Variants in OPHN1 observed in about 807,000 individuals in gnomAD.
OPHN1 encodes the protein oligophrenin 1.
OPHN1 carries 11 observed loss-of-function variants against 60.7 expected under a neutral mutation model. That is an observed-to-expected ratio of 0.18 (90% CI 0.11 to 0.30). The LOEUF (loss-of-function observed/expected upper bound fraction) is 0.30, where lower values mean the gene tolerates loss of function less well. Among genes scored for constraint, OPHN1 ranks in the 10% least tolerant of loss-of-function variants. OPHN1 has a pLI of 1.00. For synonymous variants in OPHN1, 226 were observed against 222.6 expected (o/e 1.02, Z -0.14); for missense variants, 449 against 611.0 (o/e 0.73, Z 2.80).
chrX:68,312,568 T>A (rs2078179049), intron 2 of OPHN1, among the ~76,000 whole-genome samples: 1 of 110,748 alleles, frequency 9.0e-6, no homozygotes, highest in Non-Finnish European at 1.9e-5. Flanking sequence ...ACATTAAAAA[T>A]GAAGAAATAT....
chrX:68,396,816 A>AAAAAAT (rs1215235123), intron 2 of OPHN1, among the ~76,000 whole-genome samples: 1 of 111,292 alleles, frequency 9.0e-6, no homozygotes, highest in Non-Finnish European at 1.9e-5. Flanking sequence ...CTCCATCTCA[A>AAAAAAT]AAAAATAAAA....
intron 2 of OPHN1, among the ~76,000 whole-genome samples, chrX:68,362,289 T>C (rs1385615494): frequency 9.0e-6 from 1 of 111,545 alleles, no homozygotes; most frequent in East Asian, 2.8e-4. Flanking sequence ...GAAAACTGCA[T>C]GATCTACTTA....
intron 15 of OPHN1, among the ~76,000 whole-genome samples, chrX:68,175,741 A>T (rs1270384203): frequency 8.9e-6 from 1 of 111,846 alleles, no homozygotes; most frequent in Non-Finnish European, 1.9e-5. Flanking sequence ...TTCTCCTGGG[A>T]AATATTCCTC....
At position 68,210,300 on chromosome X, in the gene OPHN1, T is replaced by C. The variant is rs1277741635; in HGVS notation, c.703-18A>G. 1 of 1,195,502 alleles carries C rather than the reference T, an allele frequency of 8.4e-7. No homozygotes were observed. The highest frequency in any genetic ancestry group is 1.8e-5 in the South Asian group (1 of 56,218). ...TTTCTTGTCTGTCAAGACATCATCATGAAAATCATTATTATCATCATCATT... is the reference window on the plus strand; with the variant it reads ...TTTCTTGTCTGTCAAGACATCATCACGAAAATCATTATTATCATCATCATT... On this transcript the variant is annotated intron_variant, in intron 8 of 24. Transcript: ENST00000355520.
intron 20 of OPHN1, among the ~76,000 whole-genome samples, chrX:68,066,999 G>A (rs11094067): frequency 0.23 from 25,913 of 111,623 alleles, 2,340 homozygotes; most frequent in Middle Eastern, 0.29. Context: ...ATAAATAGGC[G>A]TGGGGCCAAC....
intron 10 of OPHN1, among the ~76,000 whole-genome samples, chrX:68,202,481 C>T (rs927855215): frequency 4.6e-5 from 5 of 108,754 alleles, no homozygotes; most frequent in African/African-American, 1.7e-4. Flanking sequence ...TTATCACTTA[C>T]TATGTGCCAT....
At position 68,131,547 on chromosome X, in the gene OPHN1, C is replaced by T. The variant is rs144796380; in HGVS notation, c.1277-12215G>A. 2.8e-3 allele frequency among the ~76,000 whole-genome samples: 311 copies of T among 112,009 alleles called. 2 individuals carry two copies. Among genetic ancestry groups the T allele is most frequent in the African/African-American group, 9.6e-3 (297 of 30,806 alleles). On this transcript the variant is annotated intron_variant, in intron 15 of 24. Coordinates refer to ENST00000355520, the MANE Select transcript of OPHN1 (RefSeq NM_002547.3). ...AACACTTTAAATGCTAAAAGCCATT[C>T]TCCAAATAAAGATATGGCAATTATG... is the stretch of plus-strand genomic sequence containing the variant.
At chrX:68,127,249 G>C (rs1329682580) in intron 15 of OPHN1, among the ~76,000 whole-genome samples, 1 of 112,238 alleles carries the variant, frequency 8.9e-6, no homozygotes, top group Non-Finnish European at 1.9e-5. Context: ...AGCATTTACA[G>C]TGAGAAACAC....
rs1256995034 is a variant in OPHN1 at position 68,170,225 on chromosome X, C to T, written c.1276+22694G>A. Among the ~76,000 whole-genome samples the T allele has an allele frequency of 1.3e-4, 14 of 105,866 alleles. No individual in the cohort carries two copies. The South Asian group carries it at 2.6e-3, about 20-fold the overall frequency. The allele number at this position is 105,866 out of a possible 115,157, so 91.9% of individuals were successfully genotyped here. A position where few individuals can be genotyped will look rare whatever the true frequency, so the allele number is the denominator to read the frequency against. The stretch of plus-strand genomic sequence containing the variant: ...ATCAGAGAAATGCAAATCAAAACCA[C>T]AATGAGATACCATCTCACACCAGTT... On this transcript the variant is annotated intron_variant, in intron 15 of 24. Coordinates refer to ENST00000355520, the MANE Select transcript of OPHN1 (RefSeq NM_002547.3).
intron 4 of OPHN1, among the ~76,000 whole-genome samples, chrX:68,279,695 C>T (rs967614932): frequency 9.0e-6 from 1 of 111,581 alleles, no homozygotes; most frequent in Non-Finnish European, 1.9e-5. Context: ...GCAATGAATT[C>T]CTGGCATGGG....
intron 2 of OPHN1, among the ~76,000 whole-genome samples, chrX:68,391,312 A>G (rs1240827402): frequency 8.9e-6 from 1 of 112,008 alleles, no homozygotes; most frequent in Admixed American, 9.6e-5. Flanking sequence ...CAGTTGCACT[A>G]TGATTAATAT....
intron 2 of OPHN1, among the ~76,000 whole-genome samples, chrX:68,374,774 A>C (rs1403776003): frequency 8.9e-6 from 1 of 112,619 alleles, no homozygotes; most frequent in Non-Finnish European, 1.9e-5. Context: ...AAGATTCAAT[A>C]AAGAAAATTA....
At chrX:68,282,437 G>A (rs2078023537) in intron 4 of OPHN1, among the ~76,000 whole-genome samples, 1 of 111,591 alleles carries the variant, frequency 9.0e-6, no homozygotes, top group African/African-American at 3.3e-5. Flanking sequence ...AATGTTCACG[G>A]CCATGAATCT....
rs761354576 is a variant in OPHN1 at position 68,046,744 on chromosome X, C to G, written c.*428G>C. 9.8e-5 allele frequency: 11 copies of G among 112,140 alleles called. No homozygotes were observed. Among genetic ancestry groups the G allele is most frequent in the South Asian group, 3.7e-4 (1 of 2,679 alleles). The allele number at this position is 112,140 out of a possible 1,213,427, so 9.2% of individuals were successfully genotyped here. ...TAAGCAATGGCCCCAACTCAAGTGG[C>G]CTTCAGTTCAAGGTAAGACCCCTGA... On this transcript the variant is annotated 3_prime_UTR_variant, in exon 25 of 25. Transcript: ENST00000355520.
chrX:68,153,529 A>G (rs1330861100), intron 15 of OPHN1, among the ~76,000 whole-genome samples: 1 of 112,022 alleles, frequency 8.9e-6, no homozygotes, highest in African/African-American at 3.2e-5. Context: ...AGTATGAGGC[A>G]GAGAGTGTGA....
intron 2 of OPHN1, among the ~76,000 whole-genome samples, chrX:68,324,108 A>G (rs947937162): frequency 2.7e-5 from 3 of 111,906 alleles, no homozygotes; most frequent in African/African-American, 9.8e-5. Flanking sequence ...TAGCCAATGC[A>G]TTTGGACATG....
Position 68,299,103 on chromosome X carries a change from A to C in OPHN1, c.155-7T>G. ...TGAACAGCAGAAGAATAATCTGCAA[A>C]GGAAGGGTAACAAGAGAAATGTTCA... On this transcript the variant is annotated splice_region_variant and splice_polypyrimidine_tract_variant and intron_variant, in intron 2 of 24. Transcript: ENST00000355520. The C allele has an allele frequency of 9.3e-7, 1 of 1,077,518 alleles. No individual in the cohort carries two copies. The highest frequency in any genetic ancestry group is 3.1e-5 in the East Asian group (1 of 32,012). The allele number at this position is 1,077,518 out of a possible 1,213,427, so 88.8% of individuals were successfully genotyped here.
chrX:68,267,865 C>T (rs1386547725), intron 5 of OPHN1, among the ~76,000 whole-genome samples: 1 of 111,420 alleles, frequency 9.0e-6, no homozygotes, highest in Non-Finnish European at 1.9e-5. Context: ...ACCACCGATC[C>T]CACAGAAATA....
At chrX:68,304,192 C>T (rs2078134546) in intron 2 of OPHN1, among the ~76,000 whole-genome samples, 1 of 111,514 alleles carries the variant, frequency 9.0e-6, no homozygotes. Flanking sequence ...CCCATAAATA[C>T]ATACAAATAT....
Sources: allele counts gnomAD v4.1 joint callset (sites outside exome capture counted in the v4.1 genomes callset), GRCh38; gene constraint gnomAD v4.1.1; transcripts MANE v1.5; gene names NCBI Gene and HGNC (gene_info 2026-07-23, HGNC 2026-07-21).